Variants in MEGF11 observed in about 807,000 individuals in gnomAD.
MEGF11 encodes multiple EGF like domains 11.
A neutral mutation model predicts 146.6 loss-of-function variants in MEGF11; 126 were observed. The ratio of observed to expected loss-of-function variants is 0.86; its 90% CI spans 0.74 to 1.00. The LOEUF is 1.00. Among genes scored for constraint, MEGF11 ranks in the 50% least tolerant of loss-of-function variants. The pLI, the probability that MEGF11 is intolerant of heterozygous loss-of-function variation, is 0.00. For missense variants in MEGF11, 1,509 were observed against 1,521.2 expected, an observed-to-expected ratio of 0.99 and a Z score of 0.13; for synonymous variants, 532 against 583.4, an observed-to-expected ratio of 0.91 and a Z score of 1.27.
intron 1 of MEGF11, among the ~76,000 whole-genome samples, chr15:66,149,348 T>C (rs185687869): frequency 6.8e-4 from 103 of 152,326 alleles, no homozygotes; most frequent in Admixed American, 5.4e-3. Flanking sequence ...CGTCACTTGA[T>C]CTCTCCAACC....
chr15:66,217,404 C>T (rs2091611980), intron 1 of MEGF11, among the ~76,000 whole-genome samples: 1 of 152,236 alleles, frequency 6.6e-6, no homozygotes, highest in Non-Finnish European at 1.5e-5. Flanking sequence ...TGACCAACAT[C>T]TACTTCACAA....
chr15:66,178,469 C>T (rs578089617), intron 1 of MEGF11, among the ~76,000 whole-genome samples: 5 of 152,322 alleles, frequency 3.3e-5, no homozygotes, highest in East Asian at 3.9e-4. Context: ...GTTTAGCTCA[C>T]GGCCAGCTCT....
At chr15:66,231,941 C>T (rs1220380419) in intron 1 of MEGF11, among the ~76,000 whole-genome samples, 1 of 152,200 alleles carries the variant, frequency 6.6e-6, no homozygotes, top group Non-Finnish European at 1.5e-5. Context: ...ACTTCCAATC[C>T]CCCCAACAAC....
chr15:66,010,069 A>G (rs2082660910), intron 5 of MEGF11, among the ~76,000 whole-genome samples: 1 of 151,914 alleles, frequency 6.6e-6, no homozygotes, highest in Non-Finnish European at 1.5e-5. Flanking sequence ...AATCCAATAG[A>G]GAATGGGTGT....
At chr15:65,961,253 C>T (rs972061934) in intron 9 of MEGF11, among the ~76,000 whole-genome samples, 1 of 152,100 alleles carries the variant, frequency 6.6e-6, no homozygotes, top group Non-Finnish European at 1.5e-5. Flanking sequence ...AAGTTACAGT[C>T]ACTTGTGTTT....
intron 4 of MEGF11, among the ~76,000 whole-genome samples, chr15:66,104,215 G>A (rs1384665787): frequency 1.3e-5 from 2 of 152,164 alleles, no homozygotes; most frequent in African/African-American, 4.8e-5. Flanking sequence ...AACAAGCTTC[G>A]TTATCTTGTC....
At chr15:65,955,763 TA>T (rs1181689108) in intron 10 of MEGF11, among the ~76,000 whole-genome samples, 73 of 5,608 alleles carry the variant, frequency 0.013, 5 homozygotes, top group Admixed American at 0.05. Flanking sequence ...AAAAAAAAAA[TA>T]TATATATATA....
intron 5 of MEGF11, among the ~76,000 whole-genome samples, chr15:66,023,342 T>A (rs950523228): frequency 2.0e-5 from 3 of 152,080 alleles, no homozygotes; most frequent in African/African-American, 7.2e-5. Context: ...CACAGCTATA[T>A]CCATGAGAGC....
intron 5 of MEGF11, among the ~76,000 whole-genome samples, chr15:66,092,063 A>T (rs1368101436): frequency 6.6e-6 from 1 of 152,230 alleles, no homozygotes; most frequent in Non-Finnish European, 1.5e-5. Context: ...AGGGACAAGG[A>T]GCATCATGGT....
At chr15:66,048,793 A>T (rs1233853525) in intron 5 of MEGF11, among the ~76,000 whole-genome samples, 2 of 152,192 alleles carry the variant, frequency 1.3e-5, no homozygotes, top group Admixed American at 6.5e-5. Flanking sequence ...TCTAGGCAGC[A>T]GAATTGACAG....
Position 65,996,030 on chromosome 15 carries a change from C to T in MEGF11, c.395-13542G>A, listed in dbSNP as rs118028145. Among the ~76,000 whole-genome samples, 957 of 152,284 alleles carry T rather than the reference C, an allele frequency of 6.3e-3. 4 individuals are homozygous for T. Among genetic ancestry groups the T allele is most frequent in the Non-Finnish European group, 0.011 (722 of 68,022 alleles). On this transcript the variant is annotated intron_variant, in intron 5 of 25. Coordinates refer to ENST00000395614, the MANE Select transcript of MEGF11 (RefSeq NM_001385028.1). Reference sequence around the variant, plus strand: ...AGATGTCACCAGAGTCCTGGGGAAGCCTCCACCCTCCCTGCCTCTCACCCC... The same window carrying T: ...AGATGTCACCAGAGTCCTGGGGAAGTCTCCACCCTCCCTGCCTCTCACCCC...
chr15:65,945,297 A>G (rs768001945), intron 10 of MEGF11, among the ~76,000 whole-genome samples: 4 of 152,214 alleles, frequency 2.6e-5, no homozygotes, highest in East Asian at 1.9e-4. Context: ...ACGGGCCTGG[A>G]ATGTGCCCTC....
chr15:66,185,564 G>A lies in MEGF11; in HGVS notation c.-8-57153C>T, dbSNP rs188573987. On this transcript the variant is annotated intron_variant, in intron 1 of 25. Transcript: ENST00000395614. Reference sequence around the variant, plus strand: ...AAAAATCCCCTCCAGTAGGGCACACGCACTGGCCTGAGCATGTGAGTCCAC... The same window carrying A: ...AAAAATCCCCTCCAGTAGGGCACACACACTGGCCTGAGCATGTGAGTCCAC... 9.5e-4 allele frequency among the ~76,000 whole-genome samples: 145 copies of A among 152,250 alleles called. 1 individual carries two copies. The highest frequency in any genetic ancestry group is 3.4e-3 in the Middle Eastern group (1 of 294).
intron 1 of MEGF11, among the ~76,000 whole-genome samples, chr15:66,136,228 G>A (rs891787713): frequency 2.0e-5 from 3 of 152,252 alleles, no homozygotes; most frequent in Non-Finnish European, 2.9e-5. Context: ...GCAAACTGCA[G>A]CCCAGTGGTG....
intron 5 of MEGF11, among the ~76,000 whole-genome samples, chr15:66,023,140 C>CAAAAAAA (rs375962533): frequency 0.02 from 2,460 of 123,564 alleles, 118 homozygotes; most frequent in African/African-American, 0.073. Flanking sequence ...GACTCCATCT[C>CAAAAAAA]AAAAAAAAAA....
At chr15:66,114,636 A>G (rs550442397) in intron 4 of MEGF11, among the ~76,000 whole-genome samples, 1 of 151,884 alleles carries the variant, frequency 6.6e-6, no homozygotes, top group Non-Finnish European at 1.5e-5. Context: ...GAAGGAAGAA[A>G]GGGAAGCTTG....
chr15:65,929,933 C>CT, intron 11 of MEGF11, 50 bp from the exon 12 acceptor site: 1 of 1,537,500 alleles, frequency 6.5e-7, no homozygotes, highest in Admixed American at 1.9e-5. Flanking sequence ...CCCAGTGTGT[C>CT]TTTTTTGCCC....
At chr15:65,991,092 A>G (rs1196184263) in intron 5 of MEGF11, among the ~76,000 whole-genome samples, 1 of 152,196 alleles carries the variant, frequency 6.6e-6, no homozygotes, top group African/African-American at 2.4e-5. Flanking sequence ...TATTTATTAC[A>G]CTTGTTACTC....
chr15:66,017,470 C>G (rs2082928090), intron 5 of MEGF11, among the ~76,000 whole-genome samples: 1 of 152,196 alleles, frequency 6.6e-6, no homozygotes, highest in African/African-American at 2.4e-5. Context: ...AGTGAAGAAC[C>G]TGGATGGGGC....
Sources: allele counts gnomAD v4.1 joint callset (sites outside exome capture counted in the v4.1 genomes callset), GRCh38; gene constraint gnomAD v4.1.1; transcripts MANE v1.5; gene names NCBI Gene and HGNC (gene_info 2026-07-23, HGNC 2026-07-21).